Variants in GABRA3 observed in about 807,000 individuals in gnomAD.
The protein encoded by GABRA3 is gamma-aminobutyric acid receptor subunit alpha-3.
A neutral mutation model predicts 30.1 loss-of-function variants in GABRA3; 10 were observed. The observed-to-expected ratio is 0.33, with a 90% CI of 0.20 to 0.56. GABRA3 has a LOEUF of 0.56. GABRA3 is among the 20% of genes least tolerant of loss of function. The pLI, the probability that GABRA3 is intolerant of heterozygous loss-of-function variation, is 0.89. For missense variants in GABRA3, 233 were observed against 392.0 expected, an observed-to-expected ratio of 0.59 and a Z score of 3.42; for synonymous variants, 151 against 146.8, an observed-to-expected ratio of 1.03 and a Z score of -0.21.
At chrX:152,407,685 C>T (rs923102660) in intron 1 of GABRA3, among the ~76,000 whole-genome samples, 43 of 111,328 alleles carry the variant, frequency 3.9e-4, no homozygotes, top group African/African-American at 1.4e-3. Context: ...TGAAACTGTC[C>T]CCAAAAAATG....
intron 9 of GABRA3, among the ~76,000 whole-genome samples, chrX:152,170,159 C>G (rs1030578867): frequency 7.1e-5 from 8 of 112,117 alleles, no homozygotes. Context: ...TCAGACTTCT[C>G]AAAGATCTGG....
At chrX:152,304,513 G>A (rs150428537) in intron 3 of GABRA3, among the ~76,000 whole-genome samples, 2 of 111,861 alleles carry the variant, frequency 1.8e-5, no homozygotes, top group African/African-American at 3.2e-5. Flanking sequence ...TCTTCTACAC[G>A]TGGATAGCCA....
chrX:152,440,962 T>C (rs1930912266), intron 1 of GABRA3, among the ~76,000 whole-genome samples: 1 of 107,937 alleles, frequency 9.3e-6, no homozygotes, highest in Admixed American at 1.0e-4. Flanking sequence ...TGTATATCTA[T>C]GTAACAAAAC....
intron 1 of GABRA3, among the ~76,000 whole-genome samples, chrX:152,383,388 C>CAAAAAAAA (rs34736587): frequency 8.8e-4 from 31 of 35,425 alleles, no homozygotes; most frequent in African/African-American, 1.7e-3. Flanking sequence ...GACTCCATCT[C>CAAAAAAAA]AAAAAAAAAA....
intron 1 of GABRA3, among the ~76,000 whole-genome samples, chrX:152,365,660 GT>G (rs1928638786): frequency 9.0e-6 from 1 of 110,711 alleles, no homozygotes; most frequent in Admixed American, 9.6e-5. Flanking sequence ...TATATAACTG[GT>G]TTTTTTTCCA....
Position 152,408,467 on chromosome X carries a change from C to A in GABRA3, c.-27+42679G>T, listed in dbSNP as rs763036751. On this transcript the variant is annotated intron_variant, in intron 1 of 9. Transcript: ENST00000370314. ...GAAAAAGAAACAAAGAAAGTATTCCCATTTACAATAGCTACAAATAAAATA... is the reference window on the plus strand; with the variant it reads ...GAAAAAGAAACAAAGAAAGTATTCCAATTTACAATAGCTACAAATAAAATA... Among the ~76,000 whole-genome samples, 3 of 111,149 alleles carry A rather than the reference C, an allele frequency of 2.7e-5. No individual in the cohort carries two copies. In the South Asian group the frequency reaches 1.1e-3, roughly 41 times the overall value.
chrX:152,201,296 C>G (rs1937480841), intron 7 of GABRA3, among the ~76,000 whole-genome samples: 1 of 111,783 alleles, frequency 8.9e-6, no homozygotes, highest in Non-Finnish European at 1.9e-5. Context: ...CCCTTTTGTC[C>G]CAGCTTATTA....
intron 1 of GABRA3, among the ~76,000 whole-genome samples, chrX:152,396,162 C>T (rs747369988): frequency 9.7e-4 from 108 of 111,206 alleles, no homozygotes; most frequent in African/African-American, 3.3e-3. Context: ...TAACAGACAA[C>T]GAGAGAAAAC....
rs188768665 is a variant in GABRA3, at chrX:152,392,451, C to A, written c.-26-27855G>T. Reference sequence around the variant, plus strand: ...TCCATTTTTAGTACAATGTAGACAACGATGGTGCATTTTCACAAATCATGA... The same window carrying A: ...TCCATTTTTAGTACAATGTAGACAAAGATGGTGCATTTTCACAAATCATGA... On this transcript the variant is annotated intron_variant, in intron 1 of 9. Transcript: ENST00000370314. 4.1e-3 allele frequency among the ~76,000 whole-genome samples: 460 copies of A among 111,713 alleles called. 1 individual carries two copies. The highest frequency in any genetic ancestry group is 0.014 in the African/African-American group (424 of 30,762).
intron 3 of GABRA3, among the ~76,000 whole-genome samples, chrX:152,336,649 CA>C (rs1248619275): frequency 8.9e-6 from 1 of 111,863 alleles, no homozygotes; most frequent in African/African-American, 3.3e-5. Flanking sequence ...CTGAACCTTT[CA>C]GGAACAGCTA....
At chrX:152,174,370 A>T (rs953042646) in intron 9 of GABRA3, among the ~76,000 whole-genome samples, 2 of 111,843 alleles carry the variant, frequency 1.8e-5, no homozygotes, top group South Asian at 3.7e-4. Context: ...CGCCACACTG[A>T]CTTCCGCAAT....
chrX:152,298,954 T>G (rs1461806703), intron 3 of GABRA3, among the ~76,000 whole-genome samples: 1 of 111,701 alleles, frequency 9.0e-6, no homozygotes, highest in Non-Finnish European at 1.9e-5. Context: ...TTGTTATGAC[T>G]TCAATATTTA....
chrX:152,257,246 C>T (rs1013120618), intron 4 of GABRA3, among the ~76,000 whole-genome samples: 1 of 111,776 alleles, frequency 8.9e-6, no homozygotes, highest in African/African-American at 3.3e-5. Flanking sequence ...AGAGAATAAG[C>T]TCTGGATTGG....
chrX:152,180,500 CTT>C (rs1937131688), intron 9 of GABRA3, among the ~76,000 whole-genome samples: 1 of 111,709 alleles, frequency 9.0e-6, no homozygotes, highest in Non-Finnish European at 1.9e-5. Context: ...TAGGTTGTCT[CTT>C]TGCTCTGTTG....
chrX:152,376,184 C>T (rs184189622), intron 1 of GABRA3, among the ~76,000 whole-genome samples: 222 of 111,951 alleles, frequency 2.0e-3, no homozygotes, highest in Non-Finnish European at 2.3e-3. Context: ...CTGATAGGGG[C>T]AACAGTGAGG....
At chrX:152,189,188 T>C (rs1385273396) in intron 9 of GABRA3, among the ~76,000 whole-genome samples, 3 of 111,986 alleles carry the variant, frequency 2.7e-5, no homozygotes, top group South Asian at 3.7e-4. Context: ...CATGCCTCAA[T>C]CAAAGATAAA....
intron 9 of GABRA3, among the ~76,000 whole-genome samples, chrX:152,179,253 T>G: frequency 8.9e-6 from 1 of 111,961 alleles, no homozygotes; most frequent in East Asian, 2.8e-4. Flanking sequence ...ATGGCTATAT[T>G]GGGCTAATTA....
intron 4 of GABRA3, among the ~76,000 whole-genome samples, chrX:152,267,472 T>C (rs779934821): frequency 8.9e-6 from 1 of 112,156 alleles, no homozygotes; most frequent in Non-Finnish European, 1.9e-5. Context: ...CTTCTAGTTT[T>C]CTTTTTTTGT....
intron 1 of GABRA3, among the ~76,000 whole-genome samples, chrX:152,438,466 CA>C (rs1199952401): frequency 1.8e-5 from 2 of 112,068 alleles, no homozygotes; most frequent in Non-Finnish European, 3.8e-5. Context: ...GGTATTTACC[CA>C]AATGAGTTGA....
Sources: allele counts gnomAD v4.1 joint callset (sites outside exome capture counted in the v4.1 genomes callset), GRCh38; gene constraint gnomAD v4.1.1; transcripts MANE v1.5; gene names NCBI Gene and HGNC (gene_info 2026-07-23, HGNC 2026-07-21).